The following SEC63 variants were observed in gnomAD, a reference collection of about 807,000 sequenced individuals.
The protein encoded by SEC63 is translocation protein SEC63 homolog.
A neutral mutation model predicts 116.2 loss-of-function variants in SEC63; 56 were observed. That is an observed-to-expected ratio of 0.48 (90% confidence interval 0.39 to 0.60). SEC63 has a LOEUF of 0.60. SEC63 is among the 20% of genes least tolerant of loss of function. The pLI, the probability that SEC63 is intolerant of heterozygous loss-of-function variation, is 0.00. For synonymous variants in SEC63, 273 were observed against 294.6 expected (o/e 0.93, Z 0.75); for missense variants, 668 against 900.0 (o/e 0.74, Z 3.30).
chr6:107,881,035 C>T (rs1204581288), intron 18 of SEC63, 114 bp downstream of exon 18: 1 of 780,224 alleles, frequency 1.3e-6, no homozygotes, highest in East Asian at 2.5e-5. Flanking sequence ...TCAGGATAGA[C>T]CACATTTAGC....
chr6:107,929,384 G>A, intron 2 of SEC63, 31 bp downstream of exon 2: 1 of 1,111,546 alleles, frequency 9.0e-7, no homozygotes, highest in Non-Finnish European at 1.4e-6. Flanking sequence ...TAAGCATTAA[G>A]TAGGTTTTTT....
chr6:107,944,093 C>CAT (rs1190720489), intron 1 of SEC63, among the ~76,000 whole-genome samples: 4 of 152,162 alleles, frequency 2.6e-5, no homozygotes, highest in Non-Finnish European at 4.4e-5. Context: ...GCCAAAAGAA[C>CAT]ATACTAGTAG....
intron 11 of SEC63, among the ~76,000 whole-genome samples, chr6:107,903,346 T>C (rs1787053383): frequency 1.3e-5 from 2 of 152,068 alleles, no homozygotes; most frequent in Admixed American, 1.3e-4. Flanking sequence ...TTTAAGGGCA[T>C]TCCTTTCCAT....
At chr6:107,897,847 T>C (rs1786897892) in intron 13 of SEC63, 116 bp from the exon 14 acceptor site, 3 of 738,696 alleles carry the variant, frequency 4.1e-6, no homozygotes, top group Non-Finnish European at 7.3e-6. Context: ...TCAAGCATAT[T>C]ATATTTTAAA....
chr6:107,882,136 C>T (rs1191903823), intron 17 of SEC63, among the ~76,000 whole-genome samples: 2 of 152,194 alleles, frequency 1.3e-5, no homozygotes, highest in East Asian at 3.8e-4. Flanking sequence ...TTGTTTTCTA[C>T]CATTCCCAAG....
chr6:107,919,156 C>G (rs1307714485), intron 4 of SEC63, among the ~76,000 whole-genome samples: 1 of 152,136 alleles, frequency 6.6e-6, no homozygotes, highest in African/African-American at 2.4e-5. Context: ...GGTGATCCAC[C>G]TGCCTCGGCC....
At chr6:107,935,167 T>TG (rs1275864415) in intron 1 of SEC63, among the ~76,000 whole-genome samples, 21 of 119,978 alleles carry the variant, frequency 1.8e-4, no homozygotes, top group Non-Finnish European at 2.8e-4. Flanking sequence ...GGGAGGGAGG[T>TG]GGGGGGGTCA....
At chr6:107,934,115 G>A (rs1275745583) in intron 1 of SEC63, among the ~76,000 whole-genome samples, 3 of 152,178 alleles carry the variant, frequency 2.0e-5, no homozygotes, top group African/African-American at 7.2e-5. Flanking sequence ...CCAAAGTGCC[G>A]AGATTGCAGC....
rs776169212 is a variant in SEC63, at chr6:107,912,721, T to C, written c.568A>G (p.Ile190Val). The change falls in exon 6 of 21, where the codon ATT (isoleucine) becomes GTT (valine). Residue 190 changes from isoleucine to valine, a missense_variant. By Grantham distance (29) the Ile-to-Val change is conservative. Transcript: ENST00000369002. ...PAWIVDQKNS[I>V]LVLLVYGLAF... ...TCTTATTTAAATGCACTCACCAGAA[T>C]TGAGTTTTTCTGGTCAACTATCCAA... 10 of 1,602,604 alleles carry C rather than the reference T, an allele frequency of 6.2e-6. No homozygotes were observed. The highest frequency in any genetic ancestry group is 1.7e-4 in the Middle Eastern group (1 of 6,026).
At chr6:107,929,065 A>C (rs529191039) in intron 2 of SEC63, among the ~76,000 whole-genome samples, 1 of 152,380 alleles carries the variant, frequency 6.6e-6, no homozygotes, top group East Asian at 1.9e-4. Context: ...TTTAATTATC[A>C]CCATGAAATG....
intron 2 of SEC63, among the ~76,000 whole-genome samples, chr6:107,928,012 G>A (rs1787714916): frequency 6.6e-6 from 1 of 152,076 alleles, no homozygotes. Context: ...GGGGGGGAGG[G>A]GCGGATTGTT....
chr6:107,909,093 C>G, intron 7 of SEC63, 58 bp from the exon 8 acceptor site: 2 of 1,172,628 alleles, frequency 1.7e-6, no homozygotes, highest in East Asian at 4.9e-5. Context: ...ATAGGCTGGG[C>G]GAGATGGCTC....
At chr6:107,876,730 T>TAAAG (rs1164892925) in intron 18 of SEC63, 68 bp from the exon 19 acceptor site, 2 of 1,106,170 alleles carry the variant, frequency 1.8e-6, no homozygotes, top group Non-Finnish European at 2.6e-6. Flanking sequence ...AGAAAGAATA[T>TAAAG]AATTTTGGCC....
rs145169744 is a variant in SEC63 at position 107,874,340 on chromosome 6, A to G, written c.2035-1428T>C. Reference sequence around the variant, plus strand: ...CCGGGCACGGTGGCTCACGCCTGTAATCCCAGCACTTTGGGAGGCCAAGGC... The same window carrying G: ...CCGGGCACGGTGGCTCACGCCTGTAGTCCCAGCACTTTGGGAGGCCAAGGC... On this transcript the variant is annotated intron_variant, in intron 19 of 20. Transcript: ENST00000369002. 8.7e-4 allele frequency among the ~76,000 whole-genome samples: 132 copies of G among 152,332 alleles called. 1 individual carries two copies. In the East Asian group the frequency reaches 0.015, roughly 17 times the overall value.
At chr6:107,906,930 T>G (rs984566970) in intron 8 of SEC63, among the ~76,000 whole-genome samples, 153 bp from the exon 9 acceptor site, 2 of 152,188 alleles carry the variant, frequency 1.3e-5, no homozygotes, top group Non-Finnish European at 2.9e-5. Context: ...ATTTATTTCT[T>G]CCATAAAAAA....
chr6:107,936,504 T>C (rs1291065692), intron 1 of SEC63, among the ~76,000 whole-genome samples: 4 of 151,378 alleles, frequency 2.6e-5, no homozygotes, highest in African/African-American at 9.7e-5. Context: ...ACTATTTTCA[T>C]GGGCACTAAA....
intron 1 of SEC63, among the ~76,000 whole-genome samples, chr6:107,951,790 T>TGGCTTGATCTAGAC (rs1245435280): frequency 1.3e-5 from 2 of 151,836 alleles, no homozygotes; most frequent in Non-Finnish European, 2.9e-5. Context: ...AAGACCATCC[T>TGGCTTGATCTAGAC]GGCTAACCCC....
chr6:107,899,554 A>G (rs1023825983), intron 13 of SEC63, among the ~76,000 whole-genome samples: 3 of 152,042 alleles, frequency 2.0e-5, no homozygotes, highest in Non-Finnish European at 4.4e-5. Flanking sequence ...CGTCTCTACT[A>G]AAAATACAAA....
chr6:107,871,558 T>C lies in SEC63; in HGVS notation c.*146A>G. ...GTTGTACCAAGGCACCGCCACTGCC[T>C]AGTTATATTATGCACCCATTTCAAG... On this transcript the variant is annotated 3_prime_UTR_variant, in exon 21 of 21. Transcript: ENST00000369002. 2.6e-6 allele frequency: 2 copies of C among 769,476 alleles called. No individual in the cohort carries two copies. Among genetic ancestry groups the C allele is most frequent in the Non-Finnish European group, 4.6e-6 (2 of 439,154 alleles). 47.7% of individuals were successfully genotyped at this position (769,476 alleles called of 1,614,324 possible).
Sources: allele counts gnomAD v4.1 joint callset (sites outside exome capture counted in the v4.1 genomes callset), GRCh38; gene constraint gnomAD v4.1.1; transcripts MANE v1.5; gene names NCBI Gene and HGNC (gene_info 2026-07-23, HGNC 2026-07-21).